CNTN5: variants seen among roughly 807,000 people sequenced by gnomAD.
CNTN5 encodes the protein contactin 5, also known as contactin-5.
CNTN5 carries 77 observed loss-of-function variants against 129.1 expected under a neutral mutation model. The ratio of observed to expected loss-of-function variants is 0.60; its 90% CI spans 0.50 to 0.72. The LOEUF is 0.72. Ranked by LOEUF, CNTN5 falls within the 30% of genes least tolerant of loss-of-function variation. The probability of loss-of-function intolerance (pLI) is 0.00; values close to 1 mark genes in which losing one functional copy is unlikely to be tolerated. For synonymous variants in CNTN5, 509 were observed against 465.6 expected (o/e 1.09, Z -1.20); for missense variants, 1,478 against 1,328.8 (o/e 1.11, Z -1.75).
intron 2 of CNTN5, among the ~76,000 whole-genome samples, chr11:99,529,030 G>A (rs1591224752): frequency 6.6e-6 from 1 of 152,132 alleles, no homozygotes; most frequent in South Asian, 2.1e-4. Context: ...AGCCAAGATT[G>A]TGCCATTGCA....
chr11:99,816,418 G>C (rs1437241068), intron 3 of CNTN5, among the ~76,000 whole-genome samples: 2 of 152,078 alleles, frequency 1.3e-5, no homozygotes, highest in Non-Finnish European at 2.9e-5. Context: ...TGAATGTCCT[G>C]GAGGCACCAT....
At chr11:99,596,809 G>C (rs1440725004) in intron 3 of CNTN5, among the ~76,000 whole-genome samples, 1 of 152,082 alleles carries the variant, frequency 6.6e-6, no homozygotes, top group East Asian at 1.9e-4. Flanking sequence ...TGTCCATCAG[G>C]CCAAAGGATT....
intron 15 of CNTN5, among the ~76,000 whole-genome samples, chr11:100,211,252 A>G (rs1352044161): frequency 6.6e-6 from 1 of 152,176 alleles, no homozygotes; most frequent in African/African-American, 2.4e-5. Flanking sequence ...TTTGGAACTC[A>G]GTTGCCAGCA....
intron 1 of CNTN5, among the ~76,000 whole-genome samples, chr11:99,305,958 G>C (rs1055766797): frequency 1.3e-5 from 2 of 151,638 alleles, no homozygotes; most frequent in Admixed American, 1.3e-4. Flanking sequence ...TCTAGCCTGG[G>C]TGACACAGTG....
intron 11 of CNTN5, among the ~76,000 whole-genome samples, chr11:100,071,330 G>A (rs539757571): frequency 6.6e-6 from 1 of 152,092 alleles, no homozygotes; most frequent in South Asian, 2.1e-4. Context: ...TACAACCTCA[G>A]TCTTTTCTAC....
At chr11:99,040,283 G>C (rs895903086) in intron 1 of CNTN5, among the ~76,000 whole-genome samples, 15 of 152,106 alleles carry the variant, frequency 9.9e-5, no homozygotes, top group Non-Finnish European at 1.9e-4. Context: ...GTGTGTGTGT[G>C]TTTTAAAGAC....
In CNTN5 at chr11:99,838,035, T is replaced by C. The variant is rs372187015; in HGVS notation, c.278-6817T>C. On this transcript the variant is annotated intron_variant, in intron 4 of 24. Transcript: ENST00000524871. ...AATTTCTATAAGTTAAATAGTTATA[T>C]TAACATGCAGGTAAATGTAACTACC... Among the ~76,000 whole-genome samples, 41 of 152,262 alleles carry C rather than the reference T, an allele frequency of 2.7e-4. No individual in the cohort carries two copies. The South Asian group carries it at 6.4e-3, about 24-fold the overall frequency.
intron 3 of CNTN5, among the ~76,000 whole-genome samples, chr11:99,748,850 A>G (rs894942011): frequency 6.6e-6 from 1 of 152,226 alleles, no homozygotes; most frequent in African/African-American, 2.4e-5. Flanking sequence ...CTACTGATTC[A>G]AATGGTAATC....
intron 1 of CNTN5, among the ~76,000 whole-genome samples, chr11:99,091,466 G>A (rs564498595): frequency 6.6e-6 from 1 of 152,328 alleles, no homozygotes; most frequent in South Asian, 2.1e-4. Flanking sequence ...AATTCACAGA[G>A]TAGAAAGCTG....
intron 16 of CNTN5, 128 bp from the exon 17 acceptor site, chr11:100,255,632 T>G (rs995284266): frequency 2.5e-6 from 2 of 785,404 alleles, no homozygotes; most frequent in Non-Finnish European, 1.9e-6. Context: ...GTTGTCAATT[T>G]TAATTACTAA....
chr11:99,348,306 C>T (rs4754603), intron 2 of CNTN5, among the ~76,000 whole-genome samples: 150,738 of 152,262 alleles, frequency 0.99, 74,635 homozygotes, highest in East Asian at 1. Context: ...GCCACTTCAC[C>T]CCAGCCTGGG....
chr11:99,659,758 C>G lies in CNTN5; in HGVS notation c.55+103489C>G, dbSNP rs114215509. Among the ~76,000 whole-genome samples the G allele has an allele frequency of 2.2e-3, 341 of 152,228 alleles. 1 individual carries two copies. The highest frequency in any genetic ancestry group is 7.5e-3 in the African/African-American group (310 of 41,552). ...ATTATGGAGAATAATCTGCTTCAGT[C>G]AAAGTCTATGGATCCTAATGTTAAT... On this transcript the variant is annotated intron_variant, in intron 3 of 24. Transcript: ENST00000524871.
chr11:99,551,977 G>A (rs1948500801), intron 2 of CNTN5, among the ~76,000 whole-genome samples: 1 of 148,080 alleles, frequency 6.8e-6, no homozygotes, highest in Non-Finnish European at 1.5e-5. Context: ...GCACAATCTT[G>A]GCTCACTGCA....
At chr11:100,204,297 AAT>A (rs10633078) in intron 15 of CNTN5, among the ~76,000 whole-genome samples, 270 of 17,598 alleles carry the variant, frequency 0.015, 2 homozygotes, top group Middle Eastern at 0.12. Flanking sequence ...AACATTGACT[AAT>A]ATATATATAT....
chr11:99,040,069 G>T (rs115490347), intron 1 of CNTN5, among the ~76,000 whole-genome samples: 6 of 152,066 alleles, frequency 3.9e-5, no homozygotes, highest in Admixed American at 1.3e-4. Context: ...GCAAATATTT[G>T]CTCAGCAGCA....
chr11:99,760,758 CCTAA>C (rs1179903165), intron 3 of CNTN5, among the ~76,000 whole-genome samples: 5 of 151,806 alleles, frequency 3.3e-5, no homozygotes, highest in African/African-American at 9.7e-5. Context: ...TTGTCATATT[CCTAA>C]CTATGTCTGG....
Position 99,840,940 on chromosome 11 carries a change from T to C in CNTN5, c.278-3912T>C, listed in dbSNP as rs187809701. Among the ~76,000 whole-genome samples the C allele has an allele frequency of 1.1e-4, 16 of 152,274 alleles. No individual in the cohort carries two copies. The East Asian group carries it at 3.1e-3, about 29-fold the overall frequency. ...AATAAAAAATGTATCTCAGTATATCTATAATCTCTTTACAGTAGAAACATC... is the reference window on the plus strand; with the variant it reads ...AATAAAAAATGTATCTCAGTATATCCATAATCTCTTTACAGTAGAAACATC... On this transcript the variant is annotated intron_variant, in intron 4 of 24. Transcript: ENST00000524871.
intron 3 of CNTN5, among the ~76,000 whole-genome samples, chr11:99,798,460 G>C (rs1025811874): frequency 1.9e-4 from 29 of 152,150 alleles, no homozygotes; most frequent in Non-Finnish European, 3.2e-4. Context: ...AAAGATCAAG[G>C]GTCCAGGTCA....
chr11:99,583,105 C>T (rs1400149457), intron 3 of CNTN5, among the ~76,000 whole-genome samples: 1 of 152,190 alleles, frequency 6.6e-6, no homozygotes, highest in East Asian at 1.9e-4. Context: ...ACCCTGTTTG[C>T]CTGGGTATCA....
Sources: gnomAD v4.1 joint callset for allele counts (sites outside exome capture counted in the v4.1 genomes callset) on GRCh38, gnomAD v4.1.1 for gene constraint, MANE v1.5 for transcripts, NCBI Gene and HGNC (gene_info 2026-07-23, HGNC 2026-07-21) for gene names.